USH2A: variants seen among roughly 807,000 people sequenced by gnomAD.
USH2A encodes Usher syndrome 2A (autosomal recessive, mild).
USH2A carries 443 observed loss-of-function variants against 538.9 expected under a neutral mutation model. The observed-to-expected ratio is 0.82, with a 90% CI of 0.76 to 0.89. The LOEUF (loss-of-function observed/expected upper bound fraction) is 0.89. Ranked by LOEUF, USH2A falls within the 40% of genes least tolerant of loss-of-function variation. The pLI is 0.00. For synonymous variants in USH2A, 2,413 were observed against 2,273.5 expected (o/e 1.06, Z -1.75); for missense variants, 6,633 against 6,324.8 (o/e 1.05, Z -1.65).
intron 11 of USH2A, among the ~76,000 whole-genome samples, chr1:216,270,400 G>A (rs914434230): frequency 2.0e-4 from 30 of 152,218 alleles, no homozygotes; most frequent in African/African-American, 7.2e-4. Context: ...TTTAATCAAT[G>A]CATATATTCT....
intron 21 of USH2A, among the ~76,000 whole-genome samples, chr1:216,098,495 C>G (rs2032498732): frequency 6.6e-6 from 1 of 152,072 alleles, no homozygotes; most frequent in African/African-American, 2.4e-5. Context: ...ACCAAAAGCC[C>G]TACATAGGTG....
intron 60 of USH2A, among the ~76,000 whole-genome samples, chr1:215,729,382 C>T (rs965136121): frequency 6.6e-6 from 1 of 152,210 alleles, no homozygotes; most frequent in African/African-American, 2.4e-5. Context: ...ACCATAACCT[C>T]TCAAAGTATG....
At chr1:216,158,849 G>C (rs301757) in intron 21 of USH2A, among the ~76,000 whole-genome samples, 1 of 152,094 alleles carries the variant, frequency 6.6e-6, no homozygotes, top group African/African-American at 2.4e-5. Flanking sequence ...TGAACATGGC[G>C]TAACTTTCCA....
Position 215,779,965 on chromosome 1 carries a change from A to G in USH2A, c.10817T>C (p.Leu3606Pro), listed in dbSNP as rs1402464909. The G allele has an allele frequency of 1.2e-6, 2 of 1,614,146 alleles. No homozygotes were observed. Among genetic ancestry groups the G allele is most frequent in the Non-Finnish European group, 1.7e-6 (2 of 1,180,026 alleles). Residue 3606 changes from leucine (L) to proline (P), a missense_variant, in exon 55 of 72, where the codon CTG becomes CCG. Leu to Pro is a moderately conservative substitution (Grantham distance 98, BLOSUM62 -3). Coordinates refer to ENST00000307340, the MANE Select transcript of USH2A (RefSeq NM_206933.4). ...PSITALSAVALHLSWSVPEKS... is the reference protein window; with the variant it reads ...PSITALSAVAPHLSWSVPEKS... Reference sequence around the variant, plus strand: ...CTCAGGGACACTCCAGCTCAGATGCAGAGCCACTGCACTTAGGGCTGTGAT... The same window carrying G: ...CTCAGGGACACTCCAGCTCAGATGCGGAGCCACTGCACTTAGGGCTGTGAT...
At chr1:215,888,067 G>A (rs1665109968) in intron 41 of USH2A, among the ~76,000 whole-genome samples, 2 of 152,120 alleles carry the variant, frequency 1.3e-5, no homozygotes, top group African/African-American at 4.8e-5. Context: ...TATTGGTAAT[G>A]GAAAATTTTG....
intron 50 of USH2A, among the ~76,000 whole-genome samples, chr1:215,796,553 G>C (rs911692592): frequency 5.9e-5 from 9 of 152,002 alleles, no homozygotes; most frequent in African/African-American, 2.2e-4. Context: ...AGCGTCCTGT[G>C]TGTTCTGACT....
chr1:215,688,955 A>T (rs947095576), intron 61 of USH2A, among the ~76,000 whole-genome samples: 7 of 152,030 alleles, frequency 4.6e-5, no homozygotes, highest in African/African-American at 1.7e-4. Flanking sequence ...TAGGGTGGTA[A>T]TGGTAGACAT....
In USH2A at chr1:215,630,523, T is replaced by TG. The variant is rs1558029579; in HGVS notation, c.15298-1489_15298-1488insC. Reference sequence around the variant, plus strand: ...ATATATATATATATATATATATATATATATGAGAGAGAGAAAGTTGGGTTT... The same window carrying TG: ...ATATATATATATATATATATATATATGATATGAGAGAGAGAAAGTTGGGTTT... On this transcript the variant is annotated intron_variant, in intron 70 of 71. Transcript: ENST00000307340. Among the ~76,000 whole-genome samples the TG allele has an allele frequency of 4.8e-3, 579 of 121,448 alleles. 1 individual carries two copies. Among genetic ancestry groups the TG allele is most frequent in the African/African-American group, 0.018 (529 of 29,674 alleles). 79.7% of individuals were successfully genotyped at this position (121,448 alleles called of 152,430 possible). A position where few individuals can be genotyped will look rare whatever the true frequency, so the allele number is the denominator to read the frequency against.
chr1:216,325,288 T>G lies in USH2A; in HGVS notation c.1143+17A>C. On this transcript the variant is annotated intron_variant, in intron 6 of 71. Coordinates refer to ENST00000307340, the MANE Select transcript of USH2A (RefSeq NM_206933.4). ...TAACCACAGGAAATTAATGTACACC[T>G]TATCGTTTCTCATTACCTGATACTG... The G allele has an allele frequency of 6.2e-7, 1 of 1,612,852 alleles. No individual in the cohort carries two copies. The highest frequency in any genetic ancestry group is 8.5e-7 in the Non-Finnish European group (1 of 1,179,526).
intron 61 of USH2A, among the ~76,000 whole-genome samples, chr1:215,725,071 T>A (rs1659771693): frequency 6.6e-6 from 1 of 152,190 alleles, no homozygotes; most frequent in Admixed American, 6.5e-5. Context: ...TCTTGCTCTG[T>A]TGCCCAGGTT....
chr1:216,112,481 T>A (rs1248664334), intron 21 of USH2A, among the ~76,000 whole-genome samples: 1 of 152,090 alleles, frequency 6.6e-6, no homozygotes, highest in African/African-American at 2.4e-5. Context: ...TTATTTTAGG[T>A]TGTGGGGTAC....
At chr1:215,926,755 T>C (rs1666248106) in intron 38 of USH2A, among the ~76,000 whole-genome samples, 1 of 151,490 alleles carries the variant, frequency 6.6e-6, no homozygotes, top group Non-Finnish European at 1.5e-5. Context: ...ATAGCTGGAA[T>C]TACAACATGC....
intron 3 of USH2A, among the ~76,000 whole-genome samples, chr1:216,370,407 C>T (rs771064826): frequency 1.3e-5 from 2 of 150,780 alleles, no homozygotes; most frequent in Non-Finnish European, 3.0e-5. Context: ...CGGTGGCTCA[C>T]GCCTGTATTC....
chr1:215,697,305 C>T (rs995711274), intron 61 of USH2A, among the ~76,000 whole-genome samples: 5 of 152,024 alleles, frequency 3.3e-5, no homozygotes, highest in African/African-American at 9.7e-5. Flanking sequence ...AAAGATTACT[C>T]TCTATGGTTG....
chr1:215,993,832 T>C (rs914492894), intron 34 of USH2A, among the ~76,000 whole-genome samples: 1 of 152,188 alleles, frequency 6.6e-6, no homozygotes, highest in Non-Finnish European at 1.5e-5. Flanking sequence ...TTGACAAATT[T>C]AACATGATCA....
chr1:215,884,854 C>T (rs1458730909), intron 41 of USH2A, among the ~76,000 whole-genome samples: 1 of 152,094 alleles, frequency 6.6e-6, no homozygotes, highest in Non-Finnish European at 1.5e-5. Context: ...TGTGGCGCAC[C>T]TGCCAAGGCT....
At chr1:216,221,920 A>G (rs2035463921) in intron 14 of USH2A, among the ~76,000 whole-genome samples, 1 of 152,216 alleles carries the variant, frequency 6.6e-6, no homozygotes. Flanking sequence ...TTTTTGGTCA[A>G]TATAAATAAT....
rs149767927 is a variant in USH2A at position 215,862,402 on chromosome 1, C to T, written c.8845+4605G>A. 9.2e-3 allele frequency among the ~76,000 whole-genome samples: 1,369 copies of T among 148,802 alleles called. 7 individuals carry two copies. Among genetic ancestry groups the T allele is most frequent in the African/African-American group, 0.019 (755 of 40,766 alleles). ...ACACAGGAAGGGGAACATCACACAC[C>T]GGGGCCTGTCGTGGGGTGGGGGGAG... On this transcript the variant is annotated intron_variant, in intron 44 of 71. Transcript: ENST00000307340.
intron 52 of USH2A, 29 bp from the exon 53 acceptor site, chr1:215,782,964 T>G (rs1333506348): frequency 6.3e-7 from 1 of 1,586,070 alleles, no homozygotes; most frequent in Non-Finnish European, 8.6e-7. Flanking sequence ...GACAGGGAAG[T>G]TTCTCTTATT....
Sources: gnomAD v4.1 joint callset for allele counts (sites outside exome capture counted in the v4.1 genomes callset) on GRCh38, gnomAD v4.1.1 for gene constraint, MANE v1.5 for transcripts, NCBI Gene and HGNC (gene_info 2026-07-23, HGNC 2026-07-21) for gene names.